The following APMAP variants were observed in gnomAD, a reference collection of about 807,000 sequenced individuals.
The protein encoded by APMAP is adipocyte plasma membrane-associated protein.
In APMAP, 33 loss-of-function variants were observed where a neutral mutation model predicts 43.6. That is an observed-to-expected ratio of 0.76 (90% CI 0.57 to 1.01). The LOEUF (loss-of-function observed/expected upper bound fraction) is 1.01, where lower values mean the gene tolerates loss of function less well. Among genes scored for constraint, APMAP ranks in the 50% least tolerant of loss-of-function variants. The probability of loss-of-function intolerance (pLI) is 0.00; values close to 1 mark genes in which losing one functional copy is unlikely to be tolerated. For synonymous variants in APMAP, 224 were observed against 216.7 expected, an observed-to-expected ratio of 1.03 and a Z score of -0.30; for missense variants, 498 against 540.7, an observed-to-expected ratio of 0.92 and a Z score of 0.78.
At chr20:24,979,742 C>T (rs6138443) in intron 2 of APMAP, among the ~76,000 whole-genome samples, 9 of 152,178 alleles carry the variant, frequency 5.9e-5, no homozygotes, top group Non-Finnish European at 1.3e-4. Flanking sequence ...CCCCTCTCAC[C>T]TAGAGCCAAG....
intron 1 of APMAP, among the ~76,000 whole-genome samples, chr20:24,988,514 G>C (rs1003945898): frequency 3.3e-5 from 5 of 152,198 alleles, no homozygotes; most frequent in Admixed American, 6.5e-5. Context: ...AATGCTGCGG[G>C]ATCTACCATA....
Position 24,978,789 on chromosome 20 carries a change from C to T in APMAP, c.306G>A (p.Pro102=), listed in dbSNP as rs144418356. 34 of 1,592,704 alleles carry T rather than the reference C, an allele frequency of 2.1e-5. No homozygotes were observed. In the Middle Eastern group the frequency reaches 5.1e-4, roughly 24 times the overall value. Reference sequence around the variant, plus strand: ...TACCCCCAATATGTGCTATGGACTCCGGTCCAACAAGTTGATTTTCAAACA... The same window carrying T: ...TACCCCCAATATGTGCTATGGACTCTGGTCCAACAAGTTGATTTTCAAACA... ...ERLFENQLVG[P]ESIAHIGDVM... The change falls in exon 3 of 9, where the codon CCG becomes CCA. Residue 102 remains proline (P), a synonymous_variant. Coordinates refer to ENST00000217456, the MANE Select transcript of APMAP (RefSeq NM_020531.3).
At chr20:24,966,596 A>G (rs1469613827) in intron 8 of APMAP, among the ~76,000 whole-genome samples, 1 of 152,238 alleles carries the variant, frequency 6.6e-6, no homozygotes, top group Non-Finnish European at 1.5e-5. Context: ...ACCCTACTGG[A>G]GGGACATTCT....
intron 1 of APMAP, among the ~76,000 whole-genome samples, chr20:24,989,628 T>C (rs6050237): frequency 0.09 from 13,666 of 152,260 alleles, 695 homozygotes; most frequent in Middle Eastern, 0.12. Flanking sequence ...GAAAATCAGA[T>C]AGCATCAACC....
chr20:24,984,013 A>G lies in APMAP; in HGVS notation c.102T>C (p.Phe34=). 1 of 1,610,784 alleles carries G rather than the reference A, an allele frequency of 6.2e-7. No homozygotes were observed. Among genetic ancestry groups the G allele is most frequent in the East Asian group, 2.2e-5 (1 of 44,824 alleles). The change falls in exon 2 of 9, where the codon TTT becomes TTC. Residue 34 remains phenylalanine, a synonymous_variant. Transcript: ENST00000217456. ...QAPEAKDGSS[F]SGRVFRVTFL... is the part of the protein sequence containing the mutation. ...AGGTCACTCGGAAAACTCTGCCGCTAAAGGAGCTGCCAGAAATAAAAGATA... is the reference window on the plus strand; with the variant it reads ...AGGTCACTCGGAAAACTCTGCCGCTGAAGGAGCTGCCAGAAATAAAAGATA...
chr20:24,992,561 G>T, intron 1 of APMAP, 33 bp downstream of exon 1: 2 of 1,455,992 alleles, frequency 1.4e-6, no homozygotes. Context: ...CTAGCGGCCC[G>T]GCTCCAGCGC....
At chr20:24,980,609 C>T (rs2088095355) in intron 2 of APMAP, among the ~76,000 whole-genome samples, 1 of 151,532 alleles carries the variant, frequency 6.6e-6, no homozygotes, top group Admixed American at 6.6e-5. Context: ...ACGCGCCGGG[C>T]AGTGCAGGGC....
intron 3 of APMAP, among the ~76,000 whole-genome samples, chr20:24,975,250 C>T (rs2088041163): frequency 6.6e-6 from 1 of 152,132 alleles, no homozygotes; most frequent in Admixed American, 6.5e-5. Flanking sequence ...TCTTTGTTTG[C>T]AAGTGACATA....
chr20:24,992,694 G>T lies in APMAP; in HGVS notation c.-6C>A. 1 of 1,515,118 alleles carries T rather than the reference G, an allele frequency of 6.6e-7. No homozygotes were observed. Among genetic ancestry groups the T allele is most frequent in the Non-Finnish European group, 8.8e-7 (1 of 1,131,058 alleles). 93.9% of individuals were successfully genotyped at this position (1,515,118 alleles called of 1,614,324 possible). ...AGCCCGTCCGCCTCGCTCATGGTACGGGCGCCAGCCTCACCCGCAGAAACC... is the reference window on the plus strand; with the variant it reads ...AGCCCGTCCGCCTCGCTCATGGTACTGGCGCCAGCCTCACCCGCAGAAACC... On this transcript the variant is annotated 5_prime_UTR_variant, in exon 1 of 9. Transcript: ENST00000217456.
At chr20:24,968,837 AT>A in intron 8 of APMAP, 54 bp downstream of exon 8, 1 of 1,509,992 alleles carries the variant, frequency 6.6e-7, no homozygotes, top group African/African-American at 1.4e-5. Context: ...GGTCAAAAAA[AT>A]ATGATTCAAT....
At chr20:24,989,588 T>C (rs1469282383) in intron 1 of APMAP, among the ~76,000 whole-genome samples, 1 of 152,104 alleles carries the variant, frequency 6.6e-6, no homozygotes, top group African/African-American at 2.4e-5. Flanking sequence ...ACCAGCAACC[T>C]CATGTGTCAA....
intron 4 of APMAP, 34 bp from the exon 5 acceptor site, chr20:24,971,610 G>T (rs1209386015): frequency 1.3e-6 from 2 of 1,553,298 alleles, no homozygotes; most frequent in Non-Finnish European, 1.8e-6. Flanking sequence ...TTGGTAGCTG[G>T]TCCCGGATTC....
intron 2 of APMAP, among the ~76,000 whole-genome samples, chr20:24,981,034 T>C (rs1241025298): frequency 6.6e-6 from 1 of 152,108 alleles, no homozygotes; most frequent in East Asian, 1.9e-4. Context: ...CTCTAAAAAA[T>C]CAGAGAACAG....
At chr20:24,972,366 G>A (rs547851536) in intron 4 of APMAP, among the ~76,000 whole-genome samples, 1 of 149,426 alleles carries the variant, frequency 6.7e-6, no homozygotes, top group African/African-American at 2.5e-5. Flanking sequence ...CTTATTGCAG[G>A]GTGTTCACTG....
rs114999734 is a variant in APMAP at position 24,969,473 on chromosome 20, G to A, written c.848+53C>T. ...CCCATTTCCATGCCCACCCCACCCC[G>A]GCCATGATGCGCTCTGGCCAGTAAC... On this transcript the variant is annotated intron_variant, in intron 7 of 8. Transcript: ENST00000217456. The A allele has an allele frequency of 2.1e-4, 325 of 1,551,570 alleles. No homozygotes were observed. In the African/African-American group the frequency reaches 3.4e-3, roughly 16 times the overall value.
intron 2 of APMAP, among the ~76,000 whole-genome samples, chr20:24,982,721 C>A (rs1375826046): frequency 6.6e-6 from 1 of 152,184 alleles, no homozygotes; most frequent in African/African-American, 2.4e-5. Context: ...CCTTAGCCAA[C>A]TGGACTATCT....
intron 2 of APMAP, among the ~76,000 whole-genome samples, chr20:24,979,471 G>A (rs1024978405): frequency 3.3e-5 from 5 of 152,094 alleles, no homozygotes; most frequent in Admixed American, 2.6e-4. Context: ...TCACAGACAC[G>A]GCTCCAGAAA....
At chr20:24,985,913 A>G (rs2088143107) in intron 1 of APMAP, among the ~76,000 whole-genome samples, 1 of 152,218 alleles carries the variant, frequency 6.6e-6, no homozygotes, top group East Asian at 1.9e-4. Flanking sequence ...GAAGGATGTC[A>G]CGAGCATGGG....
chr20:24,970,489 G>A (rs968695767), intron 5 of APMAP, 118 bp from the exon 6 acceptor site: 3 of 938,178 alleles, frequency 3.2e-6, no homozygotes, highest in Non-Finnish European at 4.6e-6. Flanking sequence ...CATGTCATTT[G>A]TCAGAAGATT....
Sources: gnomAD v4.1 joint callset for allele counts (sites outside exome capture counted in the v4.1 genomes callset) on GRCh38, gnomAD v4.1.1 for gene constraint, MANE v1.5 for transcripts, NCBI Gene and HGNC (gene_info 2026-07-23, HGNC 2026-07-21) for gene names.